Variants in AAMDC observed in about 807,000 individuals in gnomAD.
The protein encoded by AAMDC is adipogenesis associated Mth938 domain containing, also known as mth938 domain-containing protein.
AAMDC carries 16 observed loss-of-function variants against 15.5 expected under a neutral mutation model. The ratio of observed to expected loss-of-function variants is 1.03; its 90% CI spans 0.70 to 1.57. AAMDC has a LOEUF of 1.57. AAMDC is among the 40% of genes most tolerant of loss of function. AAMDC has a pLI of 0.00. For missense variants in AAMDC, 141 were observed against 144.9 expected (o/e 0.97, Z 0.14); for synonymous variants, 51 against 51.6 (o/e 0.99, Z 0.05).
intron 5 of AAMDC, among the ~76,000 whole-genome samples, chr11:77,883,289 G>C (rs1004583715): frequency 7.9e-5 from 12 of 152,162 alleles, no homozygotes; most frequent in African/African-American, 2.9e-4. Context: ...GCAGACTGAG[G>C]TCTTCTTAAG....
At chr11:77,826,283 A>G (rs915683515) in intron 1 of AAMDC, among the ~76,000 whole-genome samples, 8 of 151,432 alleles carry the variant, frequency 5.3e-5, no homozygotes, top group African/African-American at 1.9e-4. Context: ...AATCACTTGA[A>G]CCCAGGAGGC....
intron 2 of AAMDC, among the ~76,000 whole-genome samples, chr11:77,865,933 G>C (rs1444145167): frequency 6.6e-6 from 1 of 152,200 alleles, no homozygotes; most frequent in Non-Finnish European, 1.5e-5. Context: ...GGCAGAGGCA[G>C]CAAGATTATT....
At chr11:77,869,312 CTT>C (rs1209578429) in intron 2 of AAMDC, 123 of 126,940 alleles carry the variant, frequency 9.7e-4, no homozygotes, top group South Asian at 3.0e-3. Context: ...ATCTCTTTTT[CTT>C]TTTTTTTTTT....
At chr11:77,903,474 C>A, downstream of AAMDC, 1 of 1,606,652 alleles carries the variant, frequency 6.2e-7, no homozygotes, top group Non-Finnish European at 8.5e-7. Context: ...AGGCCTCTGG[C>A]TCTGTCTTGG....
chr11:77,834,747 C>G (rs1949606697), intron 1 of AAMDC, among the ~76,000 whole-genome samples: 1 of 151,942 alleles, frequency 6.6e-6, no homozygotes, highest in African/African-American at 2.4e-5. Context: ...ATTCAAATGG[C>G]TAGGAAAAGA....
chr11:77,891,863 C>T, intron 5 of AAMDC: 1 of 1,610,392 alleles, frequency 6.2e-7, no homozygotes, highest in Non-Finnish European at 8.5e-7. Context: ...ACAGAAGCAA[C>T]TGACTCATTC....
chr11:77,890,744 A>G (rs1160441061), intron 5 of AAMDC, among the ~76,000 whole-genome samples: 3 of 152,194 alleles, frequency 2.0e-5, no homozygotes, highest in Non-Finnish European at 2.9e-5. Flanking sequence ...AGATGGATGG[A>G]AGGAAGGATG....
intron 2 of AAMDC, among the ~76,000 whole-genome samples, chr11:77,852,405 G>C (rs1171172336): frequency 2.0e-5 from 3 of 151,840 alleles, no homozygotes; most frequent in African/African-American, 7.3e-5. Flanking sequence ...TTAACTTTCT[G>C]AATCATGTAA....
intron 5 of AAMDC, among the ~76,000 whole-genome samples, chr11:77,881,410 G>C (rs1951786521): frequency 6.6e-6 from 1 of 152,150 alleles, no homozygotes; most frequent in Non-Finnish European, 1.5e-5. Flanking sequence ...TAGATTAGGA[G>C]AAAGAAACTG....
intron 2 of AAMDC, among the ~76,000 whole-genome samples, chr11:77,845,314 G>A (rs910271690): frequency 2.6e-5 from 4 of 151,928 alleles, no homozygotes; most frequent in Non-Finnish European, 4.4e-5. Flanking sequence ...GTCTCAGACT[G>A]GATAATCTCA....
chr11:77,869,306 C>CTCTTTTTTTTTTTTT (rs1555014194), intron 2 of AAMDC: 1 of 120,372 alleles, frequency 8.3e-6, no homozygotes. Context: ...TTATTTATCT[C>CTCTTTTTTTTTTTTT]TTTTTCTTTT....
At chr11:77,859,551 C>T (rs925387507) in intron 2 of AAMDC, among the ~76,000 whole-genome samples, 31 of 152,120 alleles carry the variant, frequency 2.0e-4, no homozygotes, top group Non-Finnish European at 2.8e-4. Flanking sequence ...TTCTAGTGCC[C>T]GAGTGAGGGC....
intron 1 of AAMDC, among the ~76,000 whole-genome samples, chr11:77,840,186 CTG>C (rs1491580505): frequency 6.6e-6 from 1 of 152,078 alleles, no homozygotes; most frequent in African/African-American, 2.4e-5. Context: ...AACTAGGTAT[CTG>C]GGGTTCATGG....
intron 5 of AAMDC, among the ~76,000 whole-genome samples, chr11:77,887,714 T>G (rs1474095595): frequency 6.6e-6 from 1 of 152,174 alleles, no homozygotes; most frequent in African/African-American, 2.4e-5. Flanking sequence ...GATAAGCAAC[T>G]TCAGCAAAGT....
chr11:77,883,329 T>C (rs1204496039), intron 5 of AAMDC, among the ~76,000 whole-genome samples: 1 of 152,178 alleles, frequency 6.6e-6, no homozygotes, highest in East Asian at 1.9e-4. Context: ...AGGCTTGAAA[T>C]GTAATCTCCT....
chr11:77,826,690 T>C (rs1029944070), intron 1 of AAMDC, among the ~76,000 whole-genome samples: 4 of 152,184 alleles, frequency 2.6e-5, no homozygotes, highest in African/African-American at 9.7e-5. Context: ...CCAGACCCTA[T>C]AACTGTATGC....
At chr11:77,901,893 T>G (rs543493459), downstream of AAMDC, among the ~76,000 whole-genome samples, 18 of 151,930 alleles carry the variant, frequency 1.2e-4, no homozygotes, top group Admixed American at 8.5e-4. Flanking sequence ...ATATATATTA[T>G]GTATGGAAAC....
intron 5 of AAMDC, among the ~76,000 whole-genome samples, chr11:77,893,987 G>A (rs1309397001): frequency 3.3e-5 from 5 of 151,740 alleles, no homozygotes; most frequent in Non-Finnish European, 5.9e-5. Context: ...TTCAACAAAC[G>A]TATTTACACG....
intron 5 of AAMDC, among the ~76,000 whole-genome samples, chr11:77,883,370 C>T (rs2136358968): frequency 6.6e-6 from 1 of 152,176 alleles, no homozygotes; most frequent in Admixed American, 6.5e-5. Context: ...TTTATCCTCA[C>T]AATTCAGACA....
Sources: allele counts gnomAD v4.1 joint callset (sites outside exome capture counted in the v4.1 genomes callset), GRCh38; gene constraint gnomAD v4.1.1; transcripts MANE v1.5; gene names NCBI Gene and HGNC (gene_info 2026-07-23, HGNC 2026-07-21).